The following AGBL5 variants were observed in gnomAD, a reference collection of about 807,000 sequenced individuals.
The protein encoded by AGBL5 is AGBL carboxypeptidase 5, also known as cytosolic carboxypeptidase-like protein 5.
AGBL5 carries 51 observed loss-of-function variants against 88.0 expected under a neutral mutation model. That is an observed-to-expected ratio of 0.58 (90% CI 0.46 to 0.73). The LOEUF (loss-of-function observed/expected upper bound fraction) is 0.73. Ranked by LOEUF, AGBL5 falls within the 30% of genes least tolerant of loss-of-function variation. The pLI is 0.00. For missense variants in AGBL5, 1,031 were observed against 1,162.2 expected (o/e 0.89, Z 1.64); for synonymous variants, 446 against 438.8 (o/e 1.02, Z -0.21).
chr2:27,060,390 A>C (rs1324691532), intron 11 of AGBL5, among the ~76,000 whole-genome samples: 1 of 152,222 alleles, frequency 6.6e-6, no homozygotes, highest in African/African-American at 2.4e-5. Context: ...AAAAGAAGAG[A>C]AAATTAACGG....
At chr2:27,068,570 CTT>C in intron 12 of AGBL5, 60 bp from the exon 13 acceptor site, 1 of 1,476,236 alleles carries the variant, frequency 6.8e-7, no homozygotes, top group East Asian at 2.3e-5. Flanking sequence ...AACCCTGATC[CTT>C]TGGAAGTTAC....
Position 27,055,850 on chromosome 2 carries a change from T to C in AGBL5, c.1077T>C (p.Asp359=), listed in dbSNP as rs1668399626. 1 of 1,614,236 alleles carries C rather than the reference T, an allele frequency of 6.2e-7. No individual in the cohort carries two copies. Among genetic ancestry groups the C allele is most frequent in the Non-Finnish European group, 8.5e-7 (1 of 1,180,036 alleles). The change falls in exon 7 of 15, where the codon GAT becomes GAC. Residue 359 remains aspartate, a synonymous_variant. Coordinates refer to ENST00000360131, the MANE Select transcript of AGBL5 (RefSeq NM_021831.6). ...EHQPSSCLPP[D]APVSDLEKAN... Reference sequence around the variant, plus strand: ...AGCCCAGTTCCTGTCTCCCTCCTGATGCTCCTGTTTCTGACCTGGAGAAAG... The same window carrying C: ...AGCCCAGTTCCTGTCTCCCTCCTGACGCTCCTGTTTCTGACCTGGAGAAAG...
At position 27,055,064 on chromosome 2, in the gene AGBL5, C is replaced by T. The variant is rs776245158; in HGVS notation, c.730-11C>T. 1 of 1,613,114 alleles carries T rather than the reference C, an allele frequency of 6.2e-7. No individual in the cohort carries two copies. Among genetic ancestry groups the T allele is most frequent in the Non-Finnish European group, 8.5e-7 (1 of 1,179,090 alleles). On this transcript the variant is annotated splice_polypyrimidine_tract_variant and intron_variant, in intron 5 of 14. Transcript: ENST00000360131. ...TAACTGACTTAATGTCTGCTCTCCT[C>T]TCTACCTCAGATATTCTTCTTAAGC...
Position 27,058,397 on chromosome 2 carries a change from C to T in AGBL5, c.1672-3C>T. The T allele has an allele frequency of 6.2e-7, 1 of 1,612,778 alleles. No homozygotes were observed. Among genetic ancestry groups the T allele is most frequent in the East Asian group, 2.2e-5 (1 of 44,888 alleles). ...TGCTGAGCCAAACTGGACTACCCCA[C>T]AGGTGGGACGAGCTATGGCCATTGC... is the stretch of plus-strand genomic sequence containing the variant. On this transcript the variant is annotated splice_region_variant and splice_polypyrimidine_tract_variant and intron_variant, in intron 9 of 14. Transcript: ENST00000360131.
chr2:27,057,211 T>G (rs1436671966), intron 8 of AGBL5, 92 bp from the exon 9 acceptor site: 1 of 1,399,378 alleles, frequency 7.1e-7, no homozygotes, highest in Non-Finnish European at 9.7e-7. Flanking sequence ...TTTTTCCAAG[T>G]GATTGCCTCC....
In AGBL5 at chr2:27,056,158, CAT is replaced by C. The variant is rs559344816; in HGVS notation, c.1365+21_1365+22del. The C allele has an allele frequency of 3.9e-5, 62 of 1,601,208 alleles. No homozygotes were observed. The highest frequency in any genetic ancestry group is 5.0e-5 in the Non-Finnish European group (59 of 1,172,128). ...ACCCAGGTGGGAATCCTAAGAATGT[CAT>C]GTGAGTGTGAGAAGTGTTACAGGTT... On this transcript the variant is annotated intron_variant, in intron 7 of 14. Coordinates refer to ENST00000360131, the MANE Select transcript of AGBL5 (RefSeq NM_021831.6).
intron 11 of AGBL5, chr2:27,062,880 G>C (rs1283962399): frequency 6.6e-6 from 1 of 152,246 alleles, no homozygotes; most frequent in Non-Finnish European, 1.5e-5. Context: ...CCGTCACCAA[G>C]GATATTAGGT....
intron 9 of AGBL5, 83 bp from the exon 10 acceptor site, chr2:27,058,317 T>C: frequency 6.6e-7 from 1 of 1,505,720 alleles, no homozygotes. Context: ...CCTCCTTCCC[T>C]TCCACTGTGC....
At position 27,053,042 on chromosome 2, in the gene AGBL5, G is replaced by T; in HGVS notation, c.84G>T (p.Leu28Phe). The change falls in exon 2 of 15, where the codon TTG (leucine) becomes TTT (phenylalanine). Residue 28 changes from leucine (L) to phenylalanine (F), a missense_variant. Coordinates refer to ENST00000360131, the MANE Select transcript of AGBL5 (RefSeq NM_021831.6). The surrounding 1 kb of genome is among the most constrained non-coding windows in gnomAD (Gnocchi z 4.9). ...NLAHVEKVES[L>F]SSDGEGVGGG... Reference sequence around the variant, plus strand: ...CCCACGTGGAGAAGGTGGAATCTTTGTCCAGTGATGGGGAAGGGGTAGGAG... The same window carrying T: ...CCCACGTGGAGAAGGTGGAATCTTTTTCCAGTGATGGGGAAGGGGTAGGAG... 6.2e-7 allele frequency: 1 copy of T among 1,613,866 alleles called. No homozygotes were observed. Among genetic ancestry groups the T allele is most frequent in the Non-Finnish European group, 8.5e-7 (1 of 1,179,916 alleles).
At chr2:27,059,085 G>A in intron 10 of AGBL5, 105 bp from the exon 11 acceptor site, 1 of 1,121,520 alleles carries the variant, frequency 8.9e-7, no homozygotes, top group Non-Finnish European at 1.3e-6. Flanking sequence ...GGGTCCCTGT[G>A]CCTTTTTACC....
rs768632393 is a variant in AGBL5, at chr2:27,070,204, C to A, written c.2602C>A (p.Gln868Lys). Residue 868 changes from glutamine (Q) to lysine (K), a missense_variant, in exon 15 of 15, where the codon CAA becomes AAA. Physicochemically the swap from Gln to Lys is moderately conservative, Grantham distance 53. Around this residue, in one of 2 missense-constraint regions of AGBL5, gnomAD observed 491 missense variants for 484.0 expected, o/e 1.01. Coordinates refer to ENST00000360131, the MANE Select transcript of AGBL5 (RefSeq NM_021831.6). ...TTGTTACAGCAGGGGTCCCTTGGGC[C>A]AACCTGAGGTTTGTTTTGTCCCTAA... ...WNCYSRGPLG[Q>K]PEVCFVPKSP... 7.4e-6 allele frequency: 12 copies of A among 1,614,110 alleles called. No homozygotes were observed. Among genetic ancestry groups the A allele is most frequent in the Middle Eastern group, 1.6e-4 (1 of 6,084 alleles).
chr2:27,067,122 G>A lies in AGBL5; in HGVS notation c.2090-372G>A, dbSNP rs543074569. On this transcript the variant is annotated intron_variant, in intron 11 of 14. Transcript: ENST00000360131. ...AAAAAAATTAGCTGAGCATGGTGGC[G>A]GGCACCTATAGTGCCAGCTGCTCAG... is the stretch of plus-strand genomic sequence containing the variant. 1.1e-4 allele frequency among the ~76,000 whole-genome samples: 16 copies of A among 151,960 alleles called. No individual in the cohort carries two copies. In the East Asian group the frequency reaches 1.7e-3, roughly 17 times the overall value.
chr2:27,059,142 G>C (rs1248841608), intron 10 of AGBL5, 48 bp from the exon 11 acceptor site: 9 of 1,579,308 alleles, frequency 5.7e-6, no homozygotes, highest in Non-Finnish European at 6.9e-6. Flanking sequence ...GAAAGCCTTA[G>C]GACACAACCT....
Position 27,053,271 on chromosome 2 carries a change from T to C in AGBL5, c.215+98T>C. The C allele has an allele frequency of 6.6e-7, 1 of 1,522,240 alleles. No homozygotes were observed. The highest frequency in any genetic ancestry group is 8.9e-7 in the Non-Finnish European group (1 of 1,124,376). The allele number at this position is 1,522,240 out of a possible 1,614,324, so 94.3% of individuals were successfully genotyped here. ...TCATACCCAGCATACTCCCTGTCCATTTCTGACCCATCGTCCCTCCTTTCT... is the reference window on the plus strand; with the variant it reads ...TCATACCCAGCATACTCCCTGTCCACTTCTGACCCATCGTCCCTCCTTTCT... On this transcript the variant is annotated intron_variant, in intron 2 of 14. Coordinates refer to ENST00000360131, the MANE Select transcript of AGBL5 (RefSeq NM_021831.6). The surrounding 1 kb of genome is among the most constrained non-coding windows in gnomAD (Gnocchi z 4.9).
At position 27,053,780 on chromosome 2, in the gene AGBL5, A is replaced by T; in HGVS notation, c.388-116A>T. 6.9e-7 allele frequency: 1 copy of T among 1,447,448 alleles called. No homozygotes were observed. The highest frequency in any genetic ancestry group is 1.4e-5 in the African/African-American group (1 of 70,408). The allele number at this position is 1,447,448 out of a possible 1,614,324, so 89.7% of individuals were successfully genotyped here. A position where few individuals can be genotyped will look rare whatever the true frequency, so the allele number is the denominator to read the frequency against. On this transcript the variant is annotated intron_variant, in intron 3 of 14. Transcript: ENST00000360131. The surrounding 1 kb of genome is among the most constrained non-coding windows in gnomAD (Gnocchi z 4.9). ...CCACTTTTCATATAGAAAGTGTCAC[A>T]GGGAGGGAAGTTGGTAAAGGTGATA...
At position 27,051,778 on chromosome 2, in the gene AGBL5, A is replaced by ACCGGC. The variant is rs1668156375; in HGVS notation, c.-57_-53dup. 6.6e-6 allele frequency: 1 copy of ACCGGC among 152,278 alleles called. No homozygotes were observed. Among genetic ancestry groups the ACCGGC allele is most frequent in the Admixed American group, 6.5e-5 (1 of 15,280 alleles). 9.4% of individuals were successfully genotyped at this position (152,278 alleles called of 1,614,324 possible). On this transcript the variant is annotated 5_prime_UTR_variant, in exon 1 of 15. Transcript: ENST00000360131. ...CGCTAGCGGGAGAGGGAGCGGGATCACCGGCCCGGAGAGAGGTGAGGGGCT... is the reference window on the plus strand; with the variant it reads ...CGCTAGCGGGAGAGGGAGCGGGATCACCGGCCCGGCCCGGAGAGAGGTGAGGGGCT...
intron 11 of AGBL5, among the ~76,000 whole-genome samples, chr2:27,063,610 G>A (rs867369073): frequency 4.2e-5 from 5 of 119,202 alleles, no homozygotes; most frequent in Middle Eastern, 4.6e-3. Context: ...AAAAAAAAAA[G>A]AATGCTTGTC....
intron 11 of AGBL5, among the ~76,000 whole-genome samples, chr2:27,066,890 C>CTGACCAACA (rs1379396803): frequency 6.6e-6 from 1 of 152,108 alleles, no homozygotes; most frequent in African/African-American, 2.4e-5. Context: ...TGAGACCACC[C>CTGACCAACA]TGACCAACAT....
chr2:27,068,600 C>CCCT (rs1297926676), intron 12 of AGBL5, 32 bp from the exon 13 acceptor site: 2 of 1,602,628 alleles, frequency 1.2e-6, no homozygotes, highest in East Asian at 4.5e-5. Flanking sequence ...TCTCTGTGAC[C>CCCT]CCTACCCTGA....
Sources: allele counts gnomAD v4.1 joint callset (sites outside exome capture counted in the v4.1 genomes callset), GRCh38; gene constraint gnomAD v4.1.1; regional missense constraint gnomAD v4.1.1; non-coding constraint Gnocchi (gnomAD v3.1); transcripts MANE v1.5; gene names NCBI Gene and HGNC (gene_info 2026-07-23, HGNC 2026-07-21).